TENM2: variants seen among roughly 807,000 people sequenced by gnomAD.
The protein encoded by TENM2 is teneurin-2.
In TENM2, 52 loss-of-function variants were observed where a neutral mutation model predicts 245.2. The ratio of observed to expected loss-of-function variants is 0.21; its 90% CI spans 0.17 to 0.27. TENM2 has a LOEUF of 0.27. TENM2 is among the 10% of genes least tolerant of loss of function. The probability of loss-of-function intolerance (pLI) is 1.00; values close to 1 mark genes in which losing one functional copy is unlikely to be tolerated. For missense variants in TENM2, 3,046 were observed against 3,666.8 expected (o/e 0.83, Z 4.37); for synonymous variants, 1,363 against 1,438.9 (o/e 0.95, Z 1.19).
intron 3 of TENM2, among the ~76,000 whole-genome samples, chr5:167,930,374 C>T (rs921064396): frequency 2.6e-5 from 4 of 151,854 alleles, no homozygotes; most frequent in Non-Finnish European, 4.4e-5. Flanking sequence ...AATGAAGAAT[C>T]GTTTTTAAAA....
chr5:167,043,032 T>G, the TENM2 span, among the ~76,000 whole-genome samples: 2 of 152,224 alleles, frequency 1.3e-5, no homozygotes, highest in East Asian at 3.9e-4. Context: ...CATTCCTGAC[T>G]TCTAATTTAT....
chr5:167,557,016 T>A (rs757199942), intron 2 of TENM2, among the ~76,000 whole-genome samples: 2 of 152,230 alleles, frequency 1.3e-5, no homozygotes, highest in African/African-American at 4.8e-5. Flanking sequence ...AGTTTTTTAT[T>A]GTTTGTTTTT....
chr5:167,463,248 A>G (rs2127496391), intron 2 of TENM2, among the ~76,000 whole-genome samples: 1 of 152,284 alleles, frequency 6.6e-6, no homozygotes, highest in Admixed American at 6.5e-5. Flanking sequence ...ATGAATGACT[A>G]CTGATAATAG....
chr5:167,940,933 A>C (rs1779127272), intron 3 of TENM2, among the ~76,000 whole-genome samples: 1 of 152,198 alleles, frequency 6.6e-6, no homozygotes, highest in Non-Finnish European at 1.5e-5. Flanking sequence ...TCAGATAGGC[A>C]GTGTTAGAAA....
intron 2 of TENM2, among the ~76,000 whole-genome samples, chr5:167,779,967 G>A (rs560512402): frequency 6.6e-6 from 1 of 152,206 alleles, no homozygotes; most frequent in Non-Finnish European, 1.5e-5. Context: ...ATAAGGCCAC[G>A]ATCAAGTTCC....
At chr5:167,295,720 CGAAAT>C (rs990214997) in intron 1 of TENM2, among the ~76,000 whole-genome samples, 63 of 152,222 alleles carry the variant, frequency 4.1e-4, no homozygotes, top group Middle Eastern at 3.4e-3. Context: ...AGCGTGTACT[CGAAAT>C]GAATACATGT....
At chr5:167,911,490 G>A (rs1270552122) in intron 3 of TENM2, among the ~76,000 whole-genome samples, 1 of 152,250 alleles carries the variant, frequency 6.6e-6, no homozygotes, top group Non-Finnish European at 1.5e-5. Context: ...TCGCGCCACT[G>A]CACTCCAGCC....
chr5:167,477,729 C>CT (rs1285430249), intron 2 of TENM2, among the ~76,000 whole-genome samples: 4 of 152,148 alleles, frequency 2.6e-5, no homozygotes, highest in Admixed American at 2.0e-4. Flanking sequence ...TTTAATATCA[C>CT]TTTTTCTTCC....
intron 2 of TENM2, among the ~76,000 whole-genome samples, chr5:167,435,916 G>A (rs559650673): frequency 6.7e-6 from 1 of 149,930 alleles, no homozygotes; most frequent in South Asian, 2.1e-4. Context: ...GTGGAACTTT[G>A]AACTTGAGAG....
intron 2 of TENM2, among the ~76,000 whole-genome samples, chr5:167,752,221 A>C (rs1323355787): frequency 6.8e-6 from 1 of 147,762 alleles, no homozygotes; most frequent in Non-Finnish European, 1.5e-5. Flanking sequence ...CAGCCTCCTG[A>C]GTAGCTGGGA....
chr5:167,900,135 G>GAAAAAAAAAAAAAAAA (rs1266899709), intron 3 of TENM2, among the ~76,000 whole-genome samples: 6 of 77,934 alleles, frequency 7.7e-5, no homozygotes, highest in African/African-American at 3.5e-4. Flanking sequence ...AAAAAAAAAG[G>GAAAAAAAAAAAAAAAA]GGGGGGGGGT....
intron 3 of TENM2, among the ~76,000 whole-genome samples, chr5:167,922,994 G>T (rs72835655): frequency 0.052 from 7,870 of 152,308 alleles, 257 homozygotes; most frequent in Middle Eastern, 0.092. Context: ...CAGTTTAGAT[G>T]CTTCCCCCCA....
intron 2 of TENM2, among the ~76,000 whole-genome samples, chr5:167,782,748 AG>A (rs1764284784): frequency 6.6e-6 from 1 of 152,218 alleles, no homozygotes; most frequent in Admixed American, 6.5e-5. Flanking sequence ...CTTTTCACCA[AG>A]GAATTAGTAG....
chr5:167,036,489 A>G, the TENM2 span, among the ~76,000 whole-genome samples: 3 of 152,198 alleles, frequency 2.0e-5, no homozygotes, highest in African/African-American at 7.2e-5. Context: ...CCAATACAAC[A>G]ATTATCACAT....
chr5:167,454,643 C>G (rs551868588), intron 2 of TENM2, among the ~76,000 whole-genome samples: 1 of 152,170 alleles, frequency 6.6e-6, no homozygotes, highest in East Asian at 1.9e-4. Flanking sequence ...TCGCCCTGCC[C>G]CATCTCTTTC....
the TENM2 span, among the ~76,000 whole-genome samples, chr5:167,127,644 A>G: frequency 1.3e-5 from 2 of 151,048 alleles, no homozygotes; most frequent in Admixed American, 6.6e-5. Context: ...AAAAAAAGGA[A>G]AAGGAAAAAA....
At chr5:167,279,518 C>T in the TENM2 span, among the ~76,000 whole-genome samples, 17 of 88,254 alleles carry the variant, frequency 1.9e-4, 1 homozygote, top group South Asian at 4.2e-3. Context: ...CCTTCCTTTC[C>T]TTCCTTCCTT....
chr5:167,971,673 C>G (rs1410785744), intron 4 of TENM2, among the ~76,000 whole-genome samples: 1 of 151,730 alleles, frequency 6.6e-6, no homozygotes, highest in Non-Finnish European at 1.5e-5. Context: ...TGCACTCCAG[C>G]CTGGGTGACA....
chr5:167,119,703 A>G, the TENM2 span: 2 of 152,240 alleles, frequency 1.3e-5, no homozygotes, highest in African/African-American at 4.8e-5. Flanking sequence ...TAATATCATC[A>G]CATTGTCTAT....
Sources: allele counts gnomAD v4.1 joint callset (sites outside exome capture counted in the v4.1 genomes callset), GRCh38; gene constraint gnomAD v4.1.1; transcripts MANE v1.5; gene names NCBI Gene and HGNC (gene_info 2026-07-23, HGNC 2026-07-21).